Variants in GALNT18 observed in about 807,000 individuals in gnomAD.
GALNT18 encodes polypeptide N-acetylgalactosaminyltransferase 18, also known as GalNAc-transferase 18.
Under a neutral mutation model 69.5 loss-of-function variants are expected in GALNT18, and 44 were observed. That is an observed-to-expected ratio of 0.63 (90% CI 0.50 to 0.81). The LOEUF (loss-of-function observed/expected upper bound fraction) is 0.81, where lower values mean the gene tolerates loss of function less well. GALNT18 is among the 40% of genes least tolerant of loss of function. The probability of loss-of-function intolerance (pLI) is 0.00; values close to 1 mark genes in which losing one functional copy is unlikely to be tolerated. For missense variants in GALNT18, 715 were observed against 810.0 expected, an observed-to-expected ratio of 0.88 and a Z score of 1.42; for synonymous variants, 364 against 318.2, an observed-to-expected ratio of 1.14 and a Z score of -1.53.
At position 11,571,464 on chromosome 11, in the gene GALNT18, G is replaced by GC. The variant is rs1158195543; in HGVS notation, c.235+49894dup. Among the ~76,000 whole-genome samples the GC allele has an allele frequency of 2.6e-5, 4 of 152,274 alleles. No individual in the cohort carries two copies. In the East Asian group the frequency reaches 5.8e-4, roughly 22 times the overall value. On this transcript the variant is annotated intron_variant, in intron 1 of 10. Coordinates refer to ENST00000227756, the MANE Select transcript of GALNT18 (RefSeq NM_198516.3). ...AGTCCGGGTGCCTGTGCTTCCAGAA[G>GC]CCCCCCAAGGCTCTAGTCCTCTAAT... is the stretch of plus-strand genomic sequence containing the variant.
intron 3 of GALNT18, among the ~76,000 whole-genome samples, chr11:11,418,715 CG>C (rs1854922515): frequency 6.6e-6 from 1 of 152,100 alleles, no homozygotes; most frequent in Admixed American, 6.5e-5. Context: ...GTGTGCTGAG[CG>C]TGATGGCTGA....
rs924937173 is a variant in GALNT18 at position 11,584,681 on chromosome 11, A to G, written c.235+36678T>C. ...AGTGCTATCTTATAAGCACACATACACATAAAGCACTTCTGCTGCAGACTG... is the reference window on the plus strand; with the variant it reads ...AGTGCTATCTTATAAGCACACATACGCATAAAGCACTTCTGCTGCAGACTG... On this transcript the variant is annotated intron_variant, in intron 1 of 10. Transcript: ENST00000227756. The surrounding 1 kb of genome is among the most constrained non-coding windows in gnomAD (Gnocchi z 4.1). 2.6e-5 allele frequency among the ~76,000 whole-genome samples: 4 copies of G among 152,226 alleles called. No individual in the cohort carries two copies. The highest frequency in any genetic ancestry group is 9.6e-5 in the African/African-American group (4 of 41,464).
chr11:11,476,254 T>C (rs1856394340), intron 1 of GALNT18: 1 of 152,166 alleles, frequency 6.6e-6, no homozygotes, highest in East Asian at 1.9e-4. Context: ...CATCCAAACA[T>C]TAATAACAGC....
chr11:11,333,675 C>T (rs1321187832), intron 7 of GALNT18, among the ~76,000 whole-genome samples: 1 of 152,134 alleles, frequency 6.6e-6, no homozygotes, highest in African/African-American at 2.4e-5. Flanking sequence ...TTGTTTCCCT[C>T]CTTTCTCAGG....
At position 11,337,189 on chromosome 11, in the gene GALNT18, G is replaced by A. The variant is rs61872414; in HGVS notation, c.1278+3630C>T. On this transcript the variant is annotated intron_variant, in intron 7 of 10. Transcript: ENST00000227756. The surrounding 1 kb of genome is among the most constrained non-coding windows in gnomAD (Gnocchi z 4.9). ...AAGTTCTTCAAGCGATTCTGATGCA[G>A]TTGGTCTGAAGATCTGCTTTTAGGA... Among the ~76,000 whole-genome samples, 4,085 of 152,300 alleles carry A rather than the reference G, an allele frequency of 0.027. 73 individuals carry two copies. The highest frequency in any genetic ancestry group is 0.039 in the Non-Finnish European group (2,654 of 68,034).
At chr11:11,335,565 C>T (rs1850097226) in intron 7 of GALNT18, among the ~76,000 whole-genome samples, 1 of 152,132 alleles carries the variant, frequency 6.6e-6, no homozygotes, top group African/African-American at 2.4e-5. Context: ...TTCATGTCTA[C>T]CCAGAACCTC....
chr11:11,315,125 A>G lies in GALNT18; in HGVS notation c.1512+11961T>C, dbSNP rs1849731205. ...ATAAACAGATATATAAATATTATAT[A>G]TTAAGACATAAAAACAATATAACCC... On this transcript the variant is annotated intron_variant, in intron 9 of 10. Transcript: ENST00000227756. The surrounding 1 kb of genome is among the most constrained non-coding windows in gnomAD (Gnocchi z 5.6). Among the ~76,000 whole-genome samples the G allele has an allele frequency of 6.6e-6, 1 of 152,192 alleles. No individual in the cohort carries two copies. The highest frequency in any genetic ancestry group is 1.5e-5 in the Non-Finnish European group (1 of 68,032).
rs1388864337 is a variant in GALNT18 at position 11,470,940 on chromosome 11, G to A, written c.236-22004C>T. The stretch of plus-strand genomic sequence containing the variant: ...TGAGAATCAAACGTCCTGCCAAATG[G>A]CTTCTTGATTTCTCCCCATTCATAC... On this transcript the variant is annotated intron_variant, in intron 1 of 10. Coordinates refer to ENST00000227756, the MANE Select transcript of GALNT18 (RefSeq NM_198516.3). This position sits in a 1 kb window ranked among gnomAD's most constrained non-coding sequence, Gnocchi z 4.8. Among the ~76,000 whole-genome samples, 1 of 152,084 alleles carries A rather than the reference G, an allele frequency of 6.6e-6. No homozygotes were observed. Among genetic ancestry groups the A allele is most frequent in the East Asian group, 1.9e-4 (1 of 5,194 alleles).
At chr11:11,576,941 C>A (rs1043566532) in intron 1 of GALNT18, among the ~76,000 whole-genome samples, 2 of 152,138 alleles carry the variant, frequency 1.3e-5, no homozygotes, top group Non-Finnish European at 2.9e-5. Context: ...GAAGGCAGGC[C>A]TTCACGACTG....
chr11:11,377,202 C>A lies in GALNT18; in HGVS notation c.957G>T (p.Glu319Asp). The A allele has an allele frequency of 6.2e-7, 1 of 1,613,234 alleles. No homozygotes were observed. The highest frequency in any genetic ancestry group is 8.5e-7 in the Non-Finnish European group (1 of 1,180,020). The part of the protein sequence containing the change: ...LNPPKAWWKL[E>D]NSTAPIRSPA... The stretch of plus-strand genomic sequence containing the variant: ...TTTACCTGATTGGCGCTGTGGAGTT[C>A]TCCAGCTTCCACCAGGCCTTGGGGG... Residue 319 changes from glutamate (E) to aspartate (D), a missense_variant, in exon 5 of 11, where the codon GAG (glutamate) becomes GAT (aspartate). Physicochemically the swap from Glu to Asp is conservative, Grantham distance 45. Coordinates refer to ENST00000227756, the MANE Select transcript of GALNT18 (RefSeq NM_198516.3). This position sits in a 1 kb window ranked among gnomAD's most constrained non-coding sequence, Gnocchi z 4.6.
intron 3 of GALNT18, among the ~76,000 whole-genome samples, chr11:11,407,704 C>T (rs1854622521): frequency 6.6e-6 from 1 of 152,138 alleles, no homozygotes; most frequent in African/African-American, 2.4e-5. Flanking sequence ...TTTATTTGGC[C>T]ACTGAACTTA....
In GALNT18 at chr11:11,461,086, T is replaced by A. The variant is rs1378216276; in HGVS notation, c.236-12150A>T. On this transcript the variant is annotated intron_variant, in intron 1 of 10. Coordinates refer to ENST00000227756, the MANE Select transcript of GALNT18 (RefSeq NM_198516.3). The surrounding 1 kb of genome is among the most constrained non-coding windows in gnomAD (Gnocchi z 4.1). Reference sequence around the variant, plus strand: ...AGAGTCAGTTCAGTCCGGGCTGACATGGCAGACAAAGGACAGGAAGACATC... The same window carrying A: ...AGAGTCAGTTCAGTCCGGGCTGACAAGGCAGACAAAGGACAGGAAGACATC... 6.6e-6 allele frequency among the ~76,000 whole-genome samples: 1 copy of A among 152,122 alleles called. No individual in the cohort carries two copies. The highest frequency in any genetic ancestry group is 2.4e-5 in the African/African-American group (1 of 41,414).
intron 10 of GALNT18, among the ~76,000 whole-genome samples, chr11:11,274,146 C>A (rs1848886231): frequency 6.6e-6 from 1 of 152,186 alleles, no homozygotes; most frequent in Non-Finnish European, 1.5e-5. Context: ...GAACAGTGCA[C>A]TCCGGCTCAG....
intron 3 of GALNT18, among the ~76,000 whole-genome samples, chr11:11,428,828 C>T (rs1855198275): frequency 6.6e-6 from 1 of 151,334 alleles, no homozygotes; most frequent in Non-Finnish European, 1.5e-5. Context: ...TAGAAAATAG[C>T]AGAGTGCTTT....
rs1859224484 is a variant in GALNT18, at chr11:11,586,324, T to C, written c.235+35035A>G. Among the ~76,000 whole-genome samples, 1 of 152,224 alleles carries C rather than the reference T, an allele frequency of 6.6e-6. No homozygotes were observed. Among genetic ancestry groups the C allele is most frequent in the Admixed American group, 6.5e-5 (1 of 15,290 alleles). The stretch of plus-strand genomic sequence containing the variant: ...AATAATTATTTTGAAATTTTCTCAG[T>C]TTAAATTTCTATTGTGGCAAATATT... On this transcript the variant is annotated intron_variant, in intron 1 of 10. Transcript: ENST00000227756. This position sits in a 1 kb window ranked among gnomAD's most constrained non-coding sequence, Gnocchi z 4.1.
At chr11:11,414,983 T>C (rs887652194) in intron 3 of GALNT18, among the ~76,000 whole-genome samples, 1 of 152,212 alleles carries the variant, frequency 6.6e-6, no homozygotes, top group South Asian at 2.1e-4. Context: ...TGACTCGTTG[T>C]TGGCACAATT....
At chr11:11,486,395 T>C (rs1369766311) in intron 1 of GALNT18, among the ~76,000 whole-genome samples, 2 of 152,170 alleles carry the variant, frequency 1.3e-5, no homozygotes, top group Admixed American at 6.5e-5. Context: ...CCAAGGTCTT[T>C]GGGCACCCCA....
chr11:11,562,694 T>C lies in GALNT18; in HGVS notation c.235+58665A>G, dbSNP rs1293921912. Among the ~76,000 whole-genome samples, 2 of 152,178 alleles carry C rather than the reference T, an allele frequency of 1.3e-5. No homozygotes were observed. Among genetic ancestry groups the C allele is most frequent in the Non-Finnish European group, 2.9e-5 (2 of 68,036 alleles). On this transcript the variant is annotated intron_variant, in intron 1 of 10. Transcript: ENST00000227756. The surrounding 1 kb of genome is among the most constrained non-coding windows in gnomAD (Gnocchi z 4.1). ...GCAGAGGAGCAAACAAAGTATTACATATTATGAAATTCCGTAGGGAGAAAG... is the reference window on the plus strand; with the variant it reads ...GCAGAGGAGCAAACAAAGTATTACACATTATGAAATTCCGTAGGGAGAAAG...
intron 3 of GALNT18, among the ~76,000 whole-genome samples, chr11:11,390,020 A>C (rs1290323859): frequency 6.6e-6 from 1 of 152,106 alleles, no homozygotes; most frequent in Non-Finnish European, 1.5e-5. Flanking sequence ...CTGAATCCAA[A>C]ATTTCAAAAT....
Sources: gnomAD v4.1 joint callset for allele counts (sites outside exome capture counted in the v4.1 genomes callset) on GRCh38, gnomAD v4.1.1 for gene constraint, Gnocchi (gnomAD v3.1) non-coding constraint, MANE v1.5 for transcripts, NCBI Gene and HGNC (gene_info 2026-07-23, HGNC 2026-07-21) for gene names.